Variants in ZFP28 observed in about 807,000 individuals in gnomAD.
ZFP28 encodes the protein ZFP28 zinc finger protein, also known as zinc finger protein 28 homolog.
A neutral mutation model predicts 39.5 loss-of-function variants in ZFP28; 31 were observed. That is an observed-to-expected ratio of 0.79 (90% CI 0.59 to 1.06). ZFP28 has a LOEUF of 1.06. Among genes scored for constraint, ZFP28 ranks in the 50% least tolerant of loss-of-function variants. The pLI is 0.00. For synonymous variants in ZFP28, 400 were observed against 378.6 expected (o/e 1.06, Z -0.66); for missense variants, 925 against 1,048.4 (o/e 0.88, Z 1.63).
intron 2 of ZFP28, among the ~76,000 whole-genome samples, chr19:56,543,974 C>T (rs2044218285): frequency 6.6e-6 from 1 of 152,154 alleles, no homozygotes; most frequent in Admixed American, 6.5e-5. Context: ...CTAATCATTG[C>T]GTAACCTTCA....
rs2044250544 is a variant in ZFP28 at position 56,547,275 on chromosome 19, T to C, written c.301-233T>C. ...CTGCACACCGTGGTATCTCTTCCTG[T>C]TTTAATAAGGACACCAGACAGATTG... is the stretch of plus-strand genomic sequence containing the variant. On this transcript the variant is annotated intron_variant, in intron 2 of 7. Transcript: ENST00000301318. The surrounding 1 kb of genome is among the most constrained non-coding windows in gnomAD (Gnocchi z 4.6). The C allele has an allele frequency of 1.8e-6, 1 of 543,448 alleles. No homozygotes were observed. Among genetic ancestry groups the C allele is most frequent in the Non-Finnish European group, 3.2e-6 (1 of 312,620 alleles). 33.7% of individuals were successfully genotyped at this position (543,448 alleles called of 1,614,324 possible).
chr19:56,550,779 C>G (rs939689705), intron 7 of ZFP28, 174 bp downstream of exon 7: 5 of 1,528,808 alleles, frequency 3.3e-6, no homozygotes, highest in Non-Finnish European at 3.5e-6. Flanking sequence ...TCCTTTGCCC[C>G]CTTCTCTCCA....
intron 7 of ZFP28, chr19:56,551,320 T>C (rs1331178582): frequency 2.0e-6 from 2 of 986,730 alleles, no homozygotes; most frequent in Admixed American, 6.1e-5. Flanking sequence ...GTTTACTGTT[T>C]GGCAAAAGAA....
rs1411820644 is a variant in ZFP28 at position 56,555,118 on chromosome 19, T to C, written c.2333T>C (p.Ile778Thr). Residue 778 changes from isoleucine (I) to threonine (T), a missense_variant, in exon 8 of 8, where the codon ATC becomes ACC. Physicochemically the swap from Ile to Thr is moderately conservative, Grantham distance 89. Transcript: ENST00000301318. ...HRQSLSVHQR[I>T]HSGKKPYECK... ...CAATCCCTTAGTGTACATCAGAGAA[T>C]CCATTCTGGAAAGAAACCATATGAA... 2 of 1,614,038 alleles carry C rather than the reference T, an allele frequency of 1.2e-6. No individual in the cohort carries two copies. The highest frequency in any genetic ancestry group is 2.7e-5 in the African/African-American group (2 of 74,896).
In ZFP28 at chr19:56,553,999, C is replaced by G; in HGVS notation, c.1214C>G (p.Ser405Ter). The change falls in exon 8 of 8, where the codon TCA becomes TGA. Residue 405 changes from serine to a stop codon, truncating the protein, a stop_gained. Transcript: ENST00000301318. LOFTEE classifies it low-confidence loss of function (END_TRUNC). ...RDSIKNFQKS[S>*]VVIKQTGIYA... is the part of the protein sequence containing the mutation. ...TCAATTAAAAATTTTCAAAAAAGTT[C>G]AGTGGTAATAAAACAAACAGGCATC... 1.2e-6 allele frequency: 2 copies of G among 1,611,470 alleles called. No homozygotes were observed. Among genetic ancestry groups the G allele is most frequent in the Non-Finnish European group, 1.7e-6 (2 of 1,179,408 alleles).
intron 2 of ZFP28, among the ~76,000 whole-genome samples, chr19:56,542,065 A>T (rs945896153): frequency 6.6e-6 from 1 of 151,770 alleles, no homozygotes; most frequent in Non-Finnish European, 1.5e-5. Flanking sequence ...CAGAAATCCC[A>T]CGTATACCAA....
rs189847863 is a variant in ZFP28, at chr19:56,539,061, C to T, written c.43C>T (p.Leu15Phe). The part of the protein sequence containing the change: ...ASASVREPTP[L>F]PGRGAPRTKP... The stretch of plus-strand genomic sequence containing the variant: ...CGCGAGTGTCCGCGAGCCGACGCCG[C>T]TCCCGGGTAGAGGCGCCCCCCGCAC... The change falls in exon 1 of 8, where the codon CTC becomes TTC. Residue 15 changes from leucine to phenylalanine, a missense_variant. By Grantham distance (22) the Leu-to-Phe change is conservative (BLOSUM62 0). Coordinates refer to ENST00000301318, the MANE Select transcript of ZFP28 (RefSeq NM_020828.2). 0.012 allele frequency: 17,740 copies of T among 1,510,856 alleles called. 118 individuals are homozygous for T. The highest frequency in any genetic ancestry group is 0.014 in the Middle Eastern group (60 of 4,276). 93.6% of individuals were successfully genotyped at this position (1,510,856 alleles called of 1,614,324 possible).
At position 56,554,208 on chromosome 19, in the gene ZFP28, C is replaced by A. The variant is rs1166650470; in HGVS notation, c.1423C>A (p.Pro475Thr). ...RHQRCHTGKK[P>T]YECIECGKAF... ...CCAGAGATGTCACACTGGCAAGAAG[C>A]CCTATGAGTGCATTGAGTGTGGGAA... Residue 475 changes from proline to threonine, a missense_variant, in exon 8 of 8, where the codon CCC (proline) becomes ACC (threonine). Pro to Thr is a conservative substitution (Grantham distance 38). Coordinates refer to ENST00000301318, the MANE Select transcript of ZFP28 (RefSeq NM_020828.2). This position sits in a 1 kb window ranked among gnomAD's most constrained non-coding sequence, Gnocchi z 6.7. 6.8e-6 allele frequency: 11 copies of A among 1,614,150 alleles called. No homozygotes were observed. The highest frequency in any genetic ancestry group is 9.3e-6 in the Non-Finnish European group (11 of 1,180,020).
chr19:56,553,459 C>T (rs987977125), intron 7 of ZFP28, among the ~76,000 whole-genome samples: 6 of 152,004 alleles, frequency 3.9e-5, no homozygotes, highest in Non-Finnish European at 8.8e-5. Flanking sequence ...TCAAGTGATC[C>T]GCCTCAAGTG....
intron 7 of ZFP28, chr19:56,552,234 T>G (rs142396966): frequency 1.9e-5 from 3 of 156,830 alleles, no homozygotes; most frequent in African/African-American, 7.2e-5. Flanking sequence ...TTCTTGAAGA[T>G]ATATGCTTGG....
intron 7 of ZFP28, chr19:56,553,218 AAAT>A (rs1327496722): frequency 8.6e-6 from 1 of 115,782 alleles, no homozygotes; most frequent in African/African-American, 3.8e-5. Context: ...GAAAATGTGA[AAAT>A]AATTGTTTTT....
upstream of ZFP28, among the ~76,000 whole-genome samples, chr19:56,537,220 T>C (rs2147941941): frequency 6.6e-6 from 1 of 152,330 alleles, no homozygotes; most frequent in East Asian, 1.9e-4. Flanking sequence ...AACAGTTTGC[T>C]GTTTGATCAT....
chr19:56,548,917 C>T (rs760960500), intron 4 of ZFP28, 41 bp from the exon 5 acceptor site: 1 of 1,565,146 alleles, frequency 6.4e-7, no homozygotes, highest in African/African-American at 1.4e-5. Context: ...TTCATACTAA[C>T]ACATGATAAA....
Position 56,554,826 on chromosome 19 carries a change from G to T in ZFP28, c.2041G>T (p.Ala681Ser), listed in dbSNP as rs756314443. The part of the protein sequence containing the change: ...KPYECKECGK[A>S]FSQTTHLIQH... ...ATATGAGTGCAAGGAATGCGGTAAA[G>T]CCTTCAGCCAGACCACACACCTCAT... The change falls in exon 8 of 8, where the codon GCC becomes TCC. Residue 681 changes from alanine to serine, a missense_variant. Physicochemically the swap from Ala to Ser is moderately conservative, Grantham distance 99. Around this residue, in one of 2 missense-constraint regions of ZFP28, gnomAD observed 369 missense variants for 505.5 expected, o/e 0.73. Transcript: ENST00000301318. The surrounding 1 kb of genome is among the most constrained non-coding windows in gnomAD (Gnocchi z 6.7). 1.9e-6 allele frequency: 3 copies of T among 1,614,126 alleles called. No individual in the cohort carries two copies. The highest frequency in any genetic ancestry group is 1.6e-4 in the Middle Eastern group (1 of 6,062).
intron 7 of ZFP28, chr19:56,551,685 T>C (rs2044304976): frequency 1.0e-6 from 1 of 985,160 alleles, no homozygotes; most frequent in South Asian, 4.7e-5. Context: ...GTTATTTACA[T>C]GAAAACTTTT....
rs1218852716 is a variant in ZFP28 at position 56,550,198 on chromosome 19, C to A, written c.802+17C>A. On this transcript the variant is annotated intron_variant, in intron 6 of 7. Transcript: ENST00000301318. Reference sequence around the variant, plus strand: ...GATCAGCAGGTAAGGATGTCCCTCTCCCATATTTGAATCTATCGTCGGGTA... The same window carrying A: ...GATCAGCAGGTAAGGATGTCCCTCTACCATATTTGAATCTATCGTCGGGTA... 1 of 1,592,204 alleles carries A rather than the reference C, an allele frequency of 6.3e-7. No homozygotes were observed. Among genetic ancestry groups the A allele is most frequent in the Non-Finnish European group, 8.6e-7 (1 of 1,167,026 alleles).
At position 56,554,483 on chromosome 19, in the gene ZFP28, C is replaced by T; in HGVS notation, c.1698C>T (p.Cys566=). Residue 566 remains cysteine, a synonymous_variant, in exon 8 of 8, where the codon TGC becomes TGT. Transcript: ENST00000301318. This position sits in a 1 kb window ranked among gnomAD's most constrained non-coding sequence, Gnocchi z 6.7. ...AAAAACCATATGAATGTGATGTTTGCAGAAAAGCCTTCAGCCATCATGCAT... is the reference window on the plus strand; with the variant it reads ...AAAAACCATATGAATGTGATGTTTGTAGAAAAGCCTTCAGCCATCATGCAT... ...TGEKPYECDV[C]RKAFSHHASL... 1 of 1,614,148 alleles carries T rather than the reference C, an allele frequency of 6.2e-7. No homozygotes were observed. Among genetic ancestry groups the T allele is most frequent in the African/African-American group, 1.3e-5 (1 of 75,034 alleles).
Position 56,555,308 on chromosome 19 carries a change from A to G in ZFP28, c.2523A>G (p.Thr841=), listed in dbSNP as rs768171743. ...HQRIHTGESS[T]CPSLPSTSNP... ...GAATTCATACTGGAGAGTCGTCAAC[A>G]TGCCCCTCTTTACCTTCCACGTCAA... The change falls in exon 8 of 8, where the codon ACA becomes ACG. Residue 841 remains threonine, a synonymous_variant. Transcript: ENST00000301318. The G allele has an allele frequency of 5.0e-6, 8 of 1,614,128 alleles. No homozygotes were observed. The East Asian group carries it at 1.8e-4, about 36-fold the overall frequency.
rs116188506 is a variant in ZFP28, at chr19:56,543,631, C to A, written c.301-3877C>A. ...GCCTATATCAGGAGTAGATTCTGTG[C>A]CTGTATAATGTTTTCTCTGTGGTAT... On this transcript the variant is annotated intron_variant, in intron 2 of 7. Transcript: ENST00000301318. 9.3e-3 allele frequency among the ~76,000 whole-genome samples: 1,405 copies of A among 151,826 alleles called. 27 individuals are homozygous for A. The highest frequency in any genetic ancestry group is 0.031 in the African/African-American group (1,294 of 41,412).
Sources: allele counts gnomAD v4.1 joint callset (sites outside exome capture counted in the v4.1 genomes callset), GRCh38; gene constraint gnomAD v4.1.1; regional missense constraint gnomAD v4.1.1; non-coding constraint Gnocchi (gnomAD v3.1); transcripts MANE v1.5; gene names NCBI Gene and HGNC (gene_info 2026-07-23, HGNC 2026-07-21).